Variants in COMMD1 observed in about 807,000 individuals in gnomAD.
COMMD1 encodes copper metabolism domain containing 1, also known as COMM domain-containing protein 1.
In COMMD1, 10 loss-of-function variants were observed where a neutral mutation model predicts 17.2. That is an observed-to-expected ratio of 0.58 (90% CI 0.36 to 0.99). The LOEUF is 0.99. COMMD1 is among the 50% of genes least tolerant of loss of function. The probability of loss-of-function intolerance (pLI) is 0.01; values close to 1 mark genes in which losing one functional copy is unlikely to be tolerated. For missense variants in COMMD1, 270 were observed against 231.8 expected, an observed-to-expected ratio of 1.17 and a Z score of -1.07; for synonymous variants, 97 against 91.6, an observed-to-expected ratio of 1.06 and a Z score of -0.34.
Position 61,956,112 on chromosome 2 carries a change from G to A in COMMD1, c.181-44589G>A, listed in dbSNP as rs139491797. 4.3e-4 allele frequency among the ~76,000 whole-genome samples: 65 copies of A among 152,318 alleles called. 3 individuals are homozygous for A. The East Asian group carries it at 6.4e-3, about 15-fold the overall frequency. ...TCATGAGGGAAGGCACAATTAGGTT[G>A]AAAATGTCTAGAAAGGTTCCTTAGG... On this transcript the variant is annotated intron_variant, in intron 1 of 2. Coordinates refer to ENST00000311832, the MANE Select transcript of COMMD1 (RefSeq NM_152516.4).
At chr2:61,936,778 A>G (rs760165335) in intron 1 of COMMD1, among the ~76,000 whole-genome samples, 1 of 152,156 alleles carries the variant, frequency 6.6e-6, no homozygotes, top group Admixed American at 6.6e-5. Flanking sequence ...ATTTTCTCAT[A>G]CAGATATGAA....
At chr2:61,902,428 C>T (rs1462203056), upstream of COMMD1, among the ~76,000 whole-genome samples, 1 of 151,842 alleles carries the variant, frequency 6.6e-6, no homozygotes. Flanking sequence ...ATCGTTTGAA[C>T]CCGGGAGGCG....
chr2:61,950,859 C>A (rs999660543), intron 1 of COMMD1, among the ~76,000 whole-genome samples: 3 of 152,144 alleles, frequency 2.0e-5, no homozygotes, highest in Admixed American at 2.0e-4. Context: ...GATTGGCGCA[C>A]AAGTTAAAAC....
chr2:61,977,517 T>C (rs1293646942), intron 1 of COMMD1, among the ~76,000 whole-genome samples: 1 of 151,684 alleles, frequency 6.6e-6, no homozygotes, highest in East Asian at 2.0e-4. Flanking sequence ...GTGCTGGGAT[T>C]ACAGGCATGA....
intron 1 of COMMD1, among the ~76,000 whole-genome samples, chr2:61,992,633 T>C (rs1672279825): frequency 6.6e-6 from 1 of 152,210 alleles, no homozygotes; most frequent in African/African-American, 2.4e-5. Flanking sequence ...TCCCGTTTCT[T>C]GGGTATTGAA....
At chr2:61,998,601 A>G (rs1668836404) in intron 1 of COMMD1, among the ~76,000 whole-genome samples, 1 of 152,160 alleles carries the variant, frequency 6.6e-6, no homozygotes, top group Non-Finnish European at 1.5e-5. Context: ...CTGGAGTAGC[A>G]CTTTTAATTT....
At position 61,933,401 on chromosome 2, in the gene COMMD1, G is replaced by A. The variant is rs572569512; in HGVS notation, c.180+27543G>A. On this transcript the variant is annotated intron_variant, in intron 1 of 2. Transcript: ENST00000311832. ...TGGCAGGGGTGTGGGGGGTAAGGAC[G>A]TGGCAGGCCAAAAAGTCAACATTTG... Among the ~76,000 whole-genome samples the A allele has an allele frequency of 3.2e-4, 49 of 151,950 alleles. 1 individual carries two copies. The highest frequency in any genetic ancestry group is 1.2e-3 in the African/African-American group (48 of 41,436).
In COMMD1 at chr2:61,963,234, T is replaced by C. The variant is rs560828049; in HGVS notation, c.181-37467T>C. Among the ~76,000 whole-genome samples the C allele has an allele frequency of 3.2e-3, 476 of 149,044 alleles. 1 individual carries two copies. The highest frequency in any genetic ancestry group is 5.3e-3 in the Non-Finnish European group (356 of 67,162). The stretch of plus-strand genomic sequence containing the variant: ...ACACACACACACATATATACATATA[T>C]ACACACACACACACACATATATATT... On this transcript the variant is annotated intron_variant, in intron 1 of 2. Coordinates refer to ENST00000311832, the MANE Select transcript of COMMD1 (RefSeq NM_152516.4).
rs569733034 is a variant in COMMD1, at chr2:62,092,308, A to G, written c.463-43523A>G. On this transcript the variant is annotated intron_variant, in intron 2 of 2. Transcript: ENST00000311832. ...ATATTCTATAGCAAGGAAAGTAAGA[A>G]TGGGAGTTATTTGAGGGTTCATGAG... is the stretch of plus-strand genomic sequence containing the variant. 1.7e-3 allele frequency among the ~76,000 whole-genome samples: 263 copies of G among 152,292 alleles called. 1 individual carries two copies. The highest frequency in any genetic ancestry group is 6.0e-3 in the African/African-American group (248 of 41,556).
intron 1 of COMMD1, among the ~76,000 whole-genome samples, chr2:61,899,915 G>A (rs921748718): frequency 3.3e-5 from 5 of 152,070 alleles, no homozygotes; most frequent in African/African-American, 4.8e-5. Flanking sequence ...CAAGTGATCC[G>A]CCCACCTTGG....
chr2:61,906,851 T>G lies in COMMD1; in HGVS notation c.180+993T>G, dbSNP rs182853897. Among the ~76,000 whole-genome samples, 7 of 152,378 alleles carry G rather than the reference T, an allele frequency of 4.6e-5. No individual in the cohort carries two copies. In the East Asian group the frequency reaches 1.2e-3, roughly 25 times the overall value. ...ATTTTGATTAAAGTCAGTGTTGAAATTTAATCCACTATCCTTTTGAATTTG... is the reference window on the plus strand; with the variant it reads ...ATTTTGATTAAAGTCAGTGTTGAAAGTTAATCCACTATCCTTTTGAATTTG... On this transcript the variant is annotated intron_variant, in intron 1 of 2. Transcript: ENST00000311832.
At chr2:61,914,276 C>T (rs1225081563) in intron 1 of COMMD1, among the ~76,000 whole-genome samples, 1 of 152,112 alleles carries the variant, frequency 6.6e-6, no homozygotes, top group African/African-American at 2.4e-5. Context: ...ACTATTTGCT[C>T]TTTGAGGAAT....
chr2:62,056,057 T>C (rs566585544), intron 2 of COMMD1, among the ~76,000 whole-genome samples: 5 of 152,334 alleles, frequency 3.3e-5, no homozygotes, highest in Non-Finnish European at 5.9e-5. Flanking sequence ...GAAAACGGAA[T>C]TGGTCATTTT....
At chr2:61,995,635 G>A (rs1234405108) in intron 1 of COMMD1, among the ~76,000 whole-genome samples, 6 of 152,142 alleles carry the variant, frequency 3.9e-5, no homozygotes, top group African/African-American at 1.2e-4. Flanking sequence ...TTCAGTGGTA[G>A]TGATACCGAG....
chr2:61,908,427 A>T (rs1409783608), intron 1 of COMMD1, among the ~76,000 whole-genome samples: 1 of 151,604 alleles, frequency 6.6e-6, no homozygotes, highest in Non-Finnish European at 1.5e-5. Flanking sequence ...GGGTTTCACC[A>T]TGTTGGCCGG....
intron 1 of COMMD1, among the ~76,000 whole-genome samples, chr2:61,985,302 G>T (rs190565409): frequency 6.6e-6 from 1 of 152,184 alleles, no homozygotes; most frequent in African/African-American, 2.4e-5. Context: ...CGCCCGCCTT[G>T]GCCTCCCAAA....
chr2:61,938,560 G>C (rs1479049908), intron 1 of COMMD1, among the ~76,000 whole-genome samples: 1 of 152,130 alleles, frequency 6.6e-6, no homozygotes, highest in East Asian at 1.9e-4. Context: ...CCAAGCACAC[G>C]TTCCTTGCTT....
chr2:62,026,212 T>A (rs7607883), intron 2 of COMMD1, among the ~76,000 whole-genome samples: 12,529 of 152,166 alleles, frequency 0.082, 1,260 homozygotes, highest in African/African-American at 0.24. Context: ...GACTGGGTAC[T>A]TTATAAAGAA....
intron 2 of COMMD1, among the ~76,000 whole-genome samples, chr2:62,025,732 A>G (rs1320148198): frequency 6.6e-6 from 1 of 152,154 alleles, no homozygotes; most frequent in Non-Finnish European, 1.5e-5. Context: ...TCTGTCACCC[A>G]GGCTGGAATA....
Sources: allele counts gnomAD v4.1 joint callset (sites outside exome capture counted in the v4.1 genomes callset), GRCh38; gene constraint gnomAD v4.1.1; transcripts MANE v1.5; gene names NCBI Gene and HGNC (gene_info 2026-07-23, HGNC 2026-07-21).